Variants in HMGCS1 observed in about 807,000 individuals in gnomAD.
The protein encoded by HMGCS1 is hydroxymethylglutaryl-CoA synthase, cytoplasmic.
HMGCS1 carries 9 observed loss-of-function variants against 52.3 expected under a neutral mutation model. That is an observed-to-expected ratio of 0.17 (90% CI 0.10 to 0.30). The LOEUF (loss-of-function observed/expected upper bound fraction) is 0.30. HMGCS1 is among the 10% of genes least tolerant of loss of function. The pLI, the probability that HMGCS1 is intolerant of heterozygous loss-of-function variation, is 1.00. For synonymous variants in HMGCS1, 176 were observed against 214.4 expected (o/e 0.82, Z 1.57); for missense variants, 320 against 620.9 (o/e 0.52, Z 5.15).
intron 2 of HMGCS1, among the ~76,000 whole-genome samples, chr5:43,302,599 C>A (rs565946223): frequency 6.6e-6 from 1 of 152,280 alleles, no homozygotes; most frequent in African/African-American, 2.4e-5. Flanking sequence ...ATTGCTTACA[C>A]ATGGGAAAAT....
intron 5 of HMGCS1, 113 bp downstream of exon 5, chr5:43,296,889 G>C: frequency 1.3e-6 from 1 of 741,514 alleles, no homozygotes; most frequent in Non-Finnish European, 2.2e-6. Context: ...GGAATTAATG[G>C]TAAAAGGATA....
intron 10 of HMGCS1, 119 bp from the exon 11 acceptor site, chr5:43,291,339 C>A: frequency 3.0e-6 from 2 of 661,890 alleles, no homozygotes; most frequent in Non-Finnish European, 5.4e-6. Context: ...GAAGTTTATG[C>A]TAAATATATA....
intron 2 of HMGCS1, among the ~76,000 whole-genome samples, chr5:43,304,513 TA>T (rs1378010438): frequency 6.6e-6 from 1 of 152,236 alleles, no homozygotes; most frequent in African/African-American, 2.4e-5. Context: ...CAATTCTCTA[TA>T]AAAAGTTATA....
At chr5:43,312,445 C>G (rs1025067686) in intron 1 of HMGCS1, among the ~76,000 whole-genome samples, 4 of 152,166 alleles carry the variant, frequency 2.6e-5, no homozygotes, top group African/African-American at 9.7e-5. Flanking sequence ...TATTTGTTCC[C>G]CAAATCCCTC....
chr5:43,291,184 G>C lies in HMGCS1; in HGVS notation c.1510C>G (p.Pro504Ala). Residue 504 changes from proline (P) to alanine (A), a missense_variant, in exon 11 of 11, where the codon CCT becomes GCT. Transcript: ENST00000325110. ...GCTTCAGGTTCTGCTGCTGTGGCAG[G>C]GAGTCTTGGTACTTTCTTGGCAGGG... The part of the protein sequence containing the change: ...PSPAKKVPRL[P>A]ATAAEPEAAV... The C allele has an allele frequency of 6.2e-7, 1 of 1,613,062 alleles. No individual in the cohort carries two copies.
intron 10 of HMGCS1, among the ~76,000 whole-genome samples, chr5:43,291,987 C>CTTTTTTTTTTTTTTTTT (rs537398917): frequency 1.2e-5 from 1 of 83,114 alleles, no homozygotes; most frequent in Non-Finnish European, 2.1e-5. Flanking sequence ...ACTGTATATT[C>CTTTTTTTTTTTTTTTTT]TTTTTTTTTT....
chr5:43,288,489 A>T lies in HMGCS1; in HGVS notation c.*2642T>A, dbSNP rs1200849099. On this transcript the variant is annotated 3_prime_UTR_variant, in exon 11 of 11. Coordinates refer to ENST00000325110, the MANE Select transcript of HMGCS1 (RefSeq NM_001098272.3). ...AGCAGACAAGAGATAAAGTGTTTCA[A>T]CTGTGTCACAAGAGGACAGAAAGTG... is the stretch of plus-strand genomic sequence containing the variant. 6.6e-6 allele frequency: 1 copy of T among 152,180 alleles called. No homozygotes were observed. Among genetic ancestry groups the T allele is most frequent in the African/African-American group, 2.4e-5 (1 of 41,438 alleles). 9.4% of individuals were successfully genotyped at this position (152,180 alleles called of 1,614,324 possible).
At chr5:43,310,051 T>C (rs1754783453) in intron 1 of HMGCS1, among the ~76,000 whole-genome samples, 2 of 152,372 alleles carry the variant, frequency 1.3e-5, no homozygotes, top group East Asian at 1.9e-4. Flanking sequence ...CAGTTACCTA[T>C]TGATCTTTCT....
intron 2 of HMGCS1, among the ~76,000 whole-genome samples, chr5:43,305,722 A>G (rs1754534058): frequency 6.7e-6 from 1 of 150,152 alleles, no homozygotes; most frequent in African/African-American, 2.5e-5. Flanking sequence ...GTGAGCCAAG[A>G]TCTGAGCCAA....
At chr5:43,296,590 C>A (rs558836173) in intron 5 of HMGCS1, among the ~76,000 whole-genome samples, 10 of 152,262 alleles carry the variant, frequency 6.6e-5, no homozygotes, top group East Asian at 5.8e-4. Flanking sequence ...AAAACAAATA[C>A]AAATTCACAG....
rs1247062525 is a variant in HMGCS1 at position 43,288,979 on chromosome 5, T to G, written c.*2152A>C. ...GGAGACTCTAGCTGGTAGTGGGCAG[T>G]TCTACGTTCACCACTAAATTTGCTC... On this transcript the variant is annotated 3_prime_UTR_variant, in exon 11 of 11. Transcript: ENST00000325110. The G allele has an allele frequency of 6.6e-6, 1 of 152,190 alleles. No individual in the cohort carries two copies. The highest frequency in any genetic ancestry group is 1.9e-4 in the East Asian group (1 of 5,192). 9.4% of individuals were successfully genotyped at this position (152,190 alleles called of 1,614,324 possible).
Position 43,290,845 on chromosome 5 carries a change from C to A in HMGCS1, c.*286G>T. The A allele has an allele frequency of 3.3e-6, 1 of 304,986 alleles. No individual in the cohort carries two copies. The highest frequency in any genetic ancestry group is 6.1e-6 in the Non-Finnish European group (1 of 163,692). The allele number at this position is 304,986 out of a possible 1,614,324, so 18.9% of individuals were successfully genotyped here. ...CATTATACCATGTTTAAAAACCAAA[C>A]ATCATGCATACAAATGGCCAAAGAG... On this transcript the variant is annotated 3_prime_UTR_variant, in exon 11 of 11. Transcript: ENST00000325110.
At chr5:43,291,248 C>T (rs764646576) in intron 10 of HMGCS1, 28 bp from the exon 11 acceptor site, 13 of 1,343,750 alleles carry the variant, frequency 9.7e-6, no homozygotes, top group African/African-American at 1.4e-5. Context: ...AAGTTGATGG[C>T]TCTTATGATT....
chr5:43,297,405 T>C (rs1754084673), intron 4 of HMGCS1, among the ~76,000 whole-genome samples: 1 of 152,292 alleles, frequency 6.6e-6, no homozygotes, highest in African/African-American at 2.4e-5. Context: ...ACTCTAACAG[T>C]TCACAGTTAC....
Position 43,296,997 on chromosome 5 carries a change from C to G in HMGCS1, c.739+5G>C. Reference sequence around the variant, plus strand: ...CCAAAACCAAGGAAAATGGGTAAAACTTACCTTTCTGCCACTGGGCATGGA... The same window carrying G: ...CCAAAACCAAGGAAAATGGGTAAAAGTTACCTTTCTGCCACTGGGCATGGA... On this transcript the variant is annotated splice_donor_5th_base_variant and intron_variant, in intron 5 of 10. Transcript: ENST00000325110. The G allele has an allele frequency of 6.2e-7, 1 of 1,613,110 alleles. No individual in the cohort carries two copies. Among genetic ancestry groups the G allele is most frequent in the African/African-American group, 1.3e-5 (1 of 75,014 alleles).
chr5:43,292,439 C>T (rs1561108519), intron 10 of HMGCS1, 35 bp downstream of exon 10: 1 of 1,591,978 alleles, frequency 6.3e-7, no homozygotes. Flanking sequence ...GTCTCCTAAA[C>T]CCTAAGATAT....
intron 2 of HMGCS1, among the ~76,000 whole-genome samples, chr5:43,299,376 G>A (rs186863641): frequency 2.1e-3 from 321 of 152,284 alleles, no homozygotes; most frequent in African/African-American, 7.3e-3. Context: ...TAGGCCGGGC[G>A]TGGTGGCTCA....
At chr5:43,303,749 A>G (rs1019205843) in intron 2 of HMGCS1, among the ~76,000 whole-genome samples, 1 of 152,194 alleles carries the variant, frequency 6.6e-6, no homozygotes, top group Non-Finnish European at 1.5e-5. Context: ...TACTGGCCAT[A>G]TTTTTGTATT....
chr5:43,297,615 C>T (rs975882423), intron 4 of HMGCS1, among the ~76,000 whole-genome samples: 7 of 151,656 alleles, frequency 4.6e-5, no homozygotes, highest in East Asian at 1.9e-4. Context: ...TTGAGGGGGG[C>T]GGATCACCTG....
Sources: allele counts gnomAD v4.1 joint callset (sites outside exome capture counted in the v4.1 genomes callset), GRCh38; gene constraint gnomAD v4.1.1; transcripts MANE v1.5; gene names NCBI Gene and HGNC (gene_info 2026-07-23, HGNC 2026-07-21).